Variants in OR1J2 observed in about 807,000 individuals in gnomAD.
OR1J2 encodes the protein olfactory receptor family 1 subfamily J member 2, also known as olfactory receptor 1J2.
For missense variants in OR1J2, 304 were observed against 246.1 expected (o/e 1.24, Z -1.57); for synonymous variants, 142 against 99.7 (o/e 1.42, Z -2.52).
At chr9:122,567,737 G>A in the OR1J2 span, 58 of 1,614,038 alleles carry the variant, frequency 3.6e-5, no homozygotes, top group African/African-American at 4.7e-4. Flanking sequence ...GCGTCACCAC[G>A]GTGAGGTAAA....
the OR1J2 span, among the ~76,000 whole-genome samples, chr9:122,562,465 G>A: frequency 6.6e-6 from 1 of 152,184 alleles, no homozygotes; most frequent in East Asian, 1.9e-4. Flanking sequence ...TCTCAAGTGG[G>A]ATCTTCTGAT....
At chr9:122,467,597 T>C in the OR1J2 span, among the ~76,000 whole-genome samples, 6 of 152,286 alleles carry the variant, frequency 3.9e-5, no homozygotes, top group African/African-American at 1.4e-4. Context: ...GTACCTCTTA[T>C]TAAAATCCAG....
the OR1J2 span, among the ~76,000 whole-genome samples, chr9:122,518,924 A>G: frequency 1.3e-5 from 2 of 152,204 alleles, no homozygotes; most frequent in Admixed American, 6.5e-5. Context: ...CTTCTCTTCT[A>G]TTTCAAACCC....
At chr9:122,474,314 T>C in the OR1J2 span, among the ~76,000 whole-genome samples, 3 of 152,332 alleles carry the variant, frequency 2.0e-5, no homozygotes, top group Admixed American at 6.5e-5. Flanking sequence ...AATGATGAAA[T>C]CCAGATGAGA....
chr9:122,474,839 G>A, the OR1J2 span, among the ~76,000 whole-genome samples: 1 of 151,274 alleles, frequency 6.6e-6, no homozygotes, highest in African/African-American at 2.4e-5. Flanking sequence ...CACAGTAACA[G>A]CATCTCTACC....
chr9:122,544,281 G>A, the OR1J2 span, among the ~76,000 whole-genome samples: 6,984 of 151,686 alleles, frequency 0.046, 229 homozygotes, highest in Middle Eastern at 0.079. Context: ...TATTGATTTC[G>A]TTAATAAATA....
chr9:122,449,888 T>C, the OR1J2 span, among the ~76,000 whole-genome samples: 2 of 152,166 alleles, frequency 1.3e-5, no homozygotes, highest in East Asian at 3.8e-4. Context: ...CCTCAGGTTT[T>C]CTTGAGGCTG....
the OR1J2 span, among the ~76,000 whole-genome samples, chr9:122,472,044 GCC>G: frequency 6.6e-6 from 1 of 152,132 alleles, no homozygotes; most frequent in Non-Finnish European, 1.5e-5. Flanking sequence ...ATTTTACCCT[GCC>G]CTACATTCCC....
At chr9:122,534,421 AAT>A in the OR1J2 span, among the ~76,000 whole-genome samples, 2 of 152,136 alleles carry the variant, frequency 1.3e-5, no homozygotes, top group Non-Finnish European at 2.9e-5. Context: ...ACTGGGTATT[AAT>A]ATTTGATGAA....
At chr9:122,487,533 C>G in the OR1J2 span, among the ~76,000 whole-genome samples, 1 of 151,896 alleles carries the variant, frequency 6.6e-6, no homozygotes, top group Admixed American at 6.6e-5. Context: ...TTACCTAGTT[C>G]AGTGATAAAT....
chr9:122,505,706 G>A, the OR1J2 span, among the ~76,000 whole-genome samples: 2 of 151,992 alleles, frequency 1.3e-5, no homozygotes, highest in Non-Finnish European at 2.9e-5. Flanking sequence ...TAAGAATCAC[G>A]ATTGGCATGA....
chr9:122,453,450 T>G, the OR1J2 span, among the ~76,000 whole-genome samples: 1 of 152,196 alleles, frequency 6.6e-6, no homozygotes, highest in Non-Finnish European at 1.5e-5. Context: ...CTTAGTACTC[T>G]GGACCAATGC....
At chr9:122,508,275 CTG>C (rs1292525006), upstream of OR1J2, among the ~76,000 whole-genome samples, 1 of 152,084 alleles carries the variant, frequency 6.6e-6, no homozygotes, top group African/African-American at 2.4e-5. Context: ...ACTTGGAACA[CTG>C]TGTTTACTGA....
chr9:122,535,760 G>A, the OR1J2 span, among the ~76,000 whole-genome samples: 1 of 152,158 alleles, frequency 6.6e-6, no homozygotes, highest in Non-Finnish European at 1.5e-5. Flanking sequence ...GTGCGTCCGT[G>A]TGAAGAGACC....
the OR1J2 span, among the ~76,000 whole-genome samples, chr9:122,497,245 ATAGT>A: frequency 6.6e-6 from 1 of 152,198 alleles, no homozygotes; most frequent in African/African-American, 2.4e-5. Context: ...GTTCTTGTAG[ATAGT>A]TCTTGGAACA....
chr9:122,460,701 G>A, the OR1J2 span, among the ~76,000 whole-genome samples: 85 of 152,208 alleles, frequency 5.6e-4, no homozygotes, highest in African/African-American at 2.0e-3. Flanking sequence ...ATTGCTTTGG[G>A]CGGTATGGTC....
At chr9:122,468,725 G>A in the OR1J2 span, among the ~76,000 whole-genome samples, 3 of 152,150 alleles carry the variant, frequency 2.0e-5, no homozygotes, top group Admixed American at 6.5e-5. Flanking sequence ...AGATAGTCAT[G>A]GGATTCCTCC....
chr9:122,488,004 T>A, the OR1J2 span, among the ~76,000 whole-genome samples: 1 of 152,230 alleles, frequency 6.6e-6, no homozygotes, highest in African/African-American at 2.4e-5. Context: ...AATGGTTAAA[T>A]GAGTATTCAA....
At chr9:122,513,284 G>A (rs1187069655), downstream of OR1J2, among the ~76,000 whole-genome samples, 1 of 152,204 alleles carries the variant, frequency 6.6e-6, no homozygotes, top group African/African-American at 2.4e-5. Flanking sequence ...TAACTGGGAT[G>A]GCATTGGTGA....
Sources: gnomAD v4.1 joint callset for allele counts (sites outside exome capture counted in the v4.1 genomes callset) on GRCh38, gnomAD v4.1.1 for gene constraint, MANE v1.5 for transcripts, NCBI Gene and HGNC (gene_info 2026-07-23, HGNC 2026-07-21) for gene names.